The following TMPRSS11E variants were observed in gnomAD, a reference collection of about 807,000 sequenced individuals.
TMPRSS11E encodes transmembrane serine protease 11E.
Under a neutral mutation model 48.1 loss-of-function variants are expected in TMPRSS11E, and 38 were observed. That is an observed-to-expected ratio of 0.79 (90% CI 0.61 to 1.04). The LOEUF (loss-of-function observed/expected upper bound fraction) is 1.04. Among genes scored for constraint, TMPRSS11E ranks in the 50% least tolerant of loss-of-function variants. TMPRSS11E has a pLI of 0.00. For synonymous variants in TMPRSS11E, 158 were observed against 171.9 expected (o/e 0.92, Z 0.63); for missense variants, 530 against 510.8 (o/e 1.04, Z -0.36).
rs142535256 is a variant in TMPRSS11E, at chr4:68,465,323, T to C, written c.137-1308T>C. 5.6e-3 allele frequency among the ~76,000 whole-genome samples: 847 copies of C among 152,312 alleles called. 1 individual carries two copies. The highest frequency in any genetic ancestry group is 9.1e-3 in the Admixed American group (139 of 15,300). Reference sequence around the variant, plus strand: ...GCCCTTGTCAGAGTCTGATGGCTGCTTCCCTCTCTGTCCCATCAAATCCTC... The same window carrying C: ...GCCCTTGTCAGAGTCTGATGGCTGCCTCCCTCTCTGTCCCATCAAATCCTC... On this transcript the variant is annotated intron_variant, in intron 2 of 9. Coordinates refer to ENST00000305363, the MANE Select transcript of TMPRSS11E (RefSeq NM_014058.4).
chr4:68,449,399 C>T (rs931307863), intron 1 of TMPRSS11E, among the ~76,000 whole-genome samples: 1 of 151,662 alleles, frequency 6.6e-6, no homozygotes, highest in African/African-American at 2.4e-5. Flanking sequence ...TCAGCAACCA[C>T]TGAGAAGAAG....
chr4:68,456,939 A>C (rs2109665530), intron 1 of TMPRSS11E, among the ~76,000 whole-genome samples: 1 of 152,322 alleles, frequency 6.6e-6, no homozygotes, highest in South Asian at 2.1e-4. Flanking sequence ...TAAGACCTAA[A>C]ACCATAAAAA....
chr4:68,466,583 C>A, intron 2 of TMPRSS11E, 48 bp from the exon 3 acceptor site: 1 of 1,601,154 alleles, frequency 6.2e-7, no homozygotes, highest in Non-Finnish European at 8.5e-7. Flanking sequence ...TGATGCTTTA[C>A]ACACATCTGA....
chr4:68,488,347 G>A (rs576501479), intron 9 of TMPRSS11E, among the ~76,000 whole-genome samples: 1 of 152,094 alleles, frequency 6.6e-6, no homozygotes, highest in Non-Finnish European at 1.5e-5. Flanking sequence ...TGGAGATTTT[G>A]TTCATTAAAG....
intron 1 of TMPRSS11E, among the ~76,000 whole-genome samples, chr4:68,458,578 T>A (rs1728697722): frequency 6.6e-6 from 1 of 152,210 alleles, no homozygotes. Flanking sequence ...AGGAGGTTAA[T>A]TATACAAACG....
At chr4:68,460,426 G>T (rs1303151462) in intron 1 of TMPRSS11E, among the ~76,000 whole-genome samples, 1 of 152,140 alleles carries the variant, frequency 6.6e-6, no homozygotes, top group Non-Finnish European at 1.5e-5. Context: ...TAGACGGAAT[G>T]GTTATCCCGC....
Position 68,461,773 on chromosome 4 carries a change from A to T in TMPRSS11E, c.12-48A>T, listed in dbSNP as rs975631293. ...AATATCTGTTTTGTCTAATGAGTGG[A>T]TGTGTTGCATGCTCTGAAATAATCT... On this transcript the variant is annotated intron_variant, in intron 1 of 9. Coordinates refer to ENST00000305363, the MANE Select transcript of TMPRSS11E (RefSeq NM_014058.4). 6 of 1,612,484 alleles carry T rather than the reference A, an allele frequency of 3.7e-6. No homozygotes were observed. The African/African-American group carries it at 5.3e-5, about 14-fold the overall frequency.
rs192505943 is a variant in TMPRSS11E at position 68,483,141 on chromosome 4, T to C, written c.1110+4150T>C. On this transcript the variant is annotated intron_variant, in intron 9 of 9. Coordinates refer to ENST00000305363, the MANE Select transcript of TMPRSS11E (RefSeq NM_014058.4). ...GCTCATGGCTTTTCAGACTTTATAG[T>C]AAGCCTGATGCTGGCATTAACTTAG... Among the ~76,000 whole-genome samples the C allele has an allele frequency of 3.3e-5, 5 of 152,286 alleles. No homozygotes were observed. In the East Asian group the frequency reaches 7.7e-4, roughly 24 times the overall value.
intron 9 of TMPRSS11E, among the ~76,000 whole-genome samples, chr4:68,492,414 G>A (rs537001869): frequency 2.6e-4 from 40 of 152,012 alleles, no homozygotes; most frequent in Non-Finnish European, 3.4e-4. Context: ...GTGCCTTTTT[G>A]TTTCAGTTCT....
At chr4:68,461,132 C>T (rs1379481255) in intron 1 of TMPRSS11E, among the ~76,000 whole-genome samples, 1 of 152,142 alleles carries the variant, frequency 6.6e-6, no homozygotes, top group Non-Finnish European at 1.5e-5. Context: ...CCGCCCGCCT[C>T]GGCCTCCCAA....
intron 8 of TMPRSS11E, 114 bp downstream of exon 8, chr4:68,477,742 C>A: frequency 2.4e-6 from 3 of 1,274,340 alleles, no homozygotes; most frequent in Non-Finnish European, 2.2e-6. Context: ...TGACCTGGAC[C>A]AAGTCAGGCC....
chr4:68,468,928 C>A lies in TMPRSS11E; in HGVS notation c.308C>A (p.Ser103Tyr). ...KSPLREEFVK[S>Y]QVIKFSQQKH... ...CCATTAAGGGAAGAATTTGTCAAGT[C>A]TCAGGTTATCAAGTTCAGGTATGTA... The change falls in exon 4 of 10, where the codon TCT becomes TAT. Residue 103 changes from serine to tyrosine, a missense_variant. Coordinates refer to ENST00000305363, the MANE Select transcript of TMPRSS11E (RefSeq NM_014058.4). 1 of 1,611,454 alleles carries A rather than the reference C, an allele frequency of 6.2e-7. No individual in the cohort carries two copies. Among genetic ancestry groups the A allele is most frequent in the Non-Finnish European group, 8.5e-7 (1 of 1,177,932 alleles).
intron 1 of TMPRSS11E, among the ~76,000 whole-genome samples, chr4:68,458,411 C>A (rs2109667965): frequency 6.6e-6 from 1 of 152,142 alleles, no homozygotes; most frequent in Admixed American, 6.6e-5. Context: ...ATACATGTCT[C>A]CAGATTGAAA....
chr4:68,482,694 C>T (rs1322120198), intron 9 of TMPRSS11E, among the ~76,000 whole-genome samples: 2 of 148,354 alleles, frequency 1.3e-5, no homozygotes, highest in Non-Finnish European at 3.0e-5. Context: ...ATTGATTGAT[C>T]GTGGGAGGTT....
Position 68,478,985 on chromosome 4 carries a change from A to C in TMPRSS11E, c.1104A>C (p.Ala368=). ...GCTCCTTAGAAGGAAAAACAGATGC[A>C]TGCCAGGTAAACAGTTTTGCCCATT... ...CAGSLEGKTD[A]CQGDSGGPLV... Residue 368 remains alanine, a synonymous_variant, in exon 9 of 10, where the codon GCA becomes GCC. Transcript: ENST00000305363. 6.2e-7 allele frequency: 1 copy of C among 1,613,396 alleles called. No homozygotes were observed. The highest frequency in any genetic ancestry group is 1.1e-5 in the South Asian group (1 of 90,952).
chr4:68,467,182 C>G (rs1383315985), intron 3 of TMPRSS11E, among the ~76,000 whole-genome samples: 1 of 152,100 alleles, frequency 6.6e-6, no homozygotes, highest in Non-Finnish European at 1.5e-5. Context: ...TAACCTTCAA[C>G]CAGCTTTTGG....
chr4:68,494,372 TC>T (rs1294132075), intron 9 of TMPRSS11E, among the ~76,000 whole-genome samples: 1 of 152,248 alleles, frequency 6.6e-6, no homozygotes. Flanking sequence ...TTATTAGGGT[TC>T]ACTATTAGAG....
chr4:68,482,417 T>TAACA (rs926488369), intron 9 of TMPRSS11E, among the ~76,000 whole-genome samples: 1 of 151,926 alleles, frequency 6.6e-6, no homozygotes, highest in African/African-American at 2.4e-5. Flanking sequence ...TATGCCTTCC[T>TAACA]AACAGTCCCC....
intron 9 of TMPRSS11E, among the ~76,000 whole-genome samples, chr4:68,479,641 T>A (rs1474366673): frequency 6.7e-6 from 1 of 150,324 alleles, no homozygotes. Context: ...AATATAAACA[T>A]TAAATATTAA....
Sources: gnomAD v4.1 joint callset for allele counts (sites outside exome capture counted in the v4.1 genomes callset) on GRCh38, gnomAD v4.1.1 for gene constraint, MANE v1.5 for transcripts, NCBI Gene and HGNC (gene_info 2026-07-23, HGNC 2026-07-21) for gene names.